The following TMEM98 variants were observed in gnomAD, a reference collection of about 807,000 sequenced individuals.
TMEM98 encodes transmembrane protein 98.
In TMEM98, 18 loss-of-function variants were observed where a neutral mutation model predicts 25.0. The ratio of observed to expected loss-of-function variants is 0.72; its 90% CI spans 0.50 to 1.07. The LOEUF (loss-of-function observed/expected upper bound fraction) is 1.07. Ranked by LOEUF, TMEM98 falls within the 50% of genes least tolerant of loss-of-function variation. The pLI is 0.00. For missense variants in TMEM98, 241 were observed against 289.0 expected, an observed-to-expected ratio of 0.83 and a Z score of 1.20; for synonymous variants, 103 against 112.4, an observed-to-expected ratio of 0.92 and a Z score of 0.53.
intron 6 of TMEM98, among the ~76,000 whole-genome samples, chr17:32,937,553 C>G (rs2091503222): frequency 6.6e-6 from 1 of 152,130 alleles, no homozygotes; most frequent in South Asian, 2.1e-4. Flanking sequence ...ACATCCCAGG[C>G]TCTGGGTGGG....
intron 6 of TMEM98, 89 bp downstream of exon 6, chr17:32,936,536 A>G (rs901168912): frequency 7.1e-6 from 8 of 1,126,790 alleles, no homozygotes; most frequent in South Asian, 2.8e-5. Flanking sequence ...GGGCTCTTCT[A>G]TAAAATGGTG....
Position 32,941,214 on chromosome 17 carries a change from G to T in TMEM98, c.*221G>T. 2 of 465,074 alleles carry T rather than the reference G, an allele frequency of 4.3e-6. 1 individual carries two copies. The highest frequency in any genetic ancestry group is 7.6e-6 in the Non-Finnish European group (2 of 261,488). The allele number at this position is 465,074 out of a possible 1,614,324, so 28.8% of individuals were successfully genotyped here. ...GTCTAATACTACAGTTAGGGGAGAT[G>T]CCATTCACTCTCTGCAAGAGGAGTA... On this transcript the variant is annotated 3_prime_UTR_variant, in exon 8 of 8. Coordinates refer to ENST00000579849, the MANE Select transcript of TMEM98 (RefSeq NM_015544.3).
intron 6 of TMEM98, 53 bp from the exon 7 acceptor site, chr17:32,939,424 G>GAAGA (rs1555555961): frequency 1.3e-6 from 2 of 1,515,460 alleles, no homozygotes; most frequent in Non-Finnish European, 1.8e-6. Flanking sequence ...AAAAAAAAAG[G>GAAGA]AGAAAAGGAG....
intron 3 of TMEM98, 34 bp from the exon 4 acceptor site, chr17:32,933,140 C>A: frequency 6.2e-7 from 1 of 1,612,492 alleles, no homozygotes; most frequent in South Asian, 1.1e-5. Flanking sequence ...GGTCACCCAC[C>A]ATGAAACCAT....
intron 1 of TMEM98, among the ~76,000 whole-genome samples, chr17:32,928,493 G>A (rs1246092228): frequency 6.6e-6 from 1 of 151,702 alleles, no homozygotes. Context: ...GGGTGGACGA[G>A]CACGGGGAAG....
At chr17:32,939,275 C>T (rs1267249223) in intron 6 of TMEM98, among the ~76,000 whole-genome samples, 8 of 152,040 alleles carry the variant, frequency 5.3e-5, no homozygotes, top group Non-Finnish European at 5.9e-5. Flanking sequence ...GGCATGGTGG[C>T]GCGTGCCTGT....
rs2091539555 is a variant in TMEM98, at chr17:32,943,235, G to A, written c.*2242G>A. 1 of 152,322 alleles carries A rather than the reference G, an allele frequency of 6.6e-6. No individual in the cohort carries two copies. Among genetic ancestry groups the A allele is most frequent in the Non-Finnish European group, 1.5e-5 (1 of 68,188 alleles). 9.4% of individuals were successfully genotyped at this position (152,322 alleles called of 1,614,324 possible). ...CTGTGTAGTTTTTTTTTCTAGTGCT[G>A]GACAAGTAAGAAGCCTCTGGATAAA... On this transcript the variant is annotated 3_prime_UTR_variant, in exon 8 of 8. Coordinates refer to ENST00000579849, the MANE Select transcript of TMEM98 (RefSeq NM_015544.3).
chr17:32,935,207 GTTA>G (rs2091489822), intron 5 of TMEM98, among the ~76,000 whole-genome samples: 1 of 152,204 alleles, frequency 6.6e-6, no homozygotes, highest in Non-Finnish European at 1.5e-5. Flanking sequence ...CTAGTAGGAA[GTTA>G]TTATCTCAGA....
At chr17:32,929,483 A>G (rs2091454476) in intron 1 of TMEM98, among the ~76,000 whole-genome samples, 1 of 152,156 alleles carries the variant, frequency 6.6e-6, no homozygotes, top group Non-Finnish European at 1.5e-5. Context: ...AGAGAAACAG[A>G]GATAAAGGCA....
In TMEM98 at chr17:32,931,947, A is replaced by G. The variant is rs192734600; in HGVS notation, c.131+288A>G. Reference sequence around the variant, plus strand: ...CCATCTGTCTCAAACTGGCCACCTCACTTAGCATTTGGATAAGCCAAATCA... The same window carrying G: ...CCATCTGTCTCAAACTGGCCACCTCGCTTAGCATTTGGATAAGCCAAATCA... On this transcript the variant is annotated intron_variant, in intron 3 of 7. Transcript: ENST00000579849. 3.0e-3 allele frequency among the ~76,000 whole-genome samples: 464 copies of G among 152,252 alleles called. 4 individuals carry two copies. The highest frequency in any genetic ancestry group is 4.2e-3 in the Non-Finnish European group (287 of 68,024).
At chr17:32,936,863 G>T (rs1181803683) in intron 6 of TMEM98, among the ~76,000 whole-genome samples, 1 of 152,220 alleles carries the variant, frequency 6.6e-6, no homozygotes, top group African/African-American at 2.4e-5. Context: ...CTAGCTTGGG[G>T]GACCCACTCT....
Position 32,943,358 on chromosome 17 carries a change from C to T in TMEM98, c.*2365C>T, listed in dbSNP as rs190546942. On this transcript the variant is annotated 3_prime_UTR_variant, in exon 8 of 8. Coordinates refer to ENST00000579849, the MANE Select transcript of TMEM98 (RefSeq NM_015544.3). Reference sequence around the variant, plus strand: ...CTTCGGGAGTTGGCTGAAGTTACTTCCTCCCTTGGAAGGGGCTGGTTAGTG... The same window carrying T: ...CTTCGGGAGTTGGCTGAAGTTACTTTCTCCCTTGGAAGGGGCTGGTTAGTG... 1 of 152,266 alleles carries T rather than the reference C, an allele frequency of 6.6e-6. No homozygotes were observed. The highest frequency in any genetic ancestry group is 1.5e-5 in the Non-Finnish European group (1 of 68,038). 9.4% of individuals were successfully genotyped at this position (152,266 alleles called of 1,614,324 possible). A position where few individuals can be genotyped will look rare whatever the true frequency, so the allele number is the denominator to read the frequency against.
intron 4 of TMEM98, 106 bp from the exon 5 acceptor site, chr17:32,934,185 A>G (rs1056915192): frequency 1.2e-5 from 15 of 1,263,628 alleles, no homozygotes; most frequent in Middle Eastern, 2.3e-4. Context: ...AGTGGTTGGT[A>G]TTGGGCTGTG....
In TMEM98 at chr17:32,931,462, A is replaced by C; in HGVS notation, c.-54-13A>C. 6.4e-7 allele frequency: 1 copy of C among 1,564,492 alleles called. No individual in the cohort carries two copies. The highest frequency in any genetic ancestry group is 2.3e-5 in the East Asian group (1 of 43,122). On this transcript the variant is annotated splice_polypyrimidine_tract_variant and intron_variant, in intron 2 of 7. Transcript: ENST00000579849. ...TCTTGACCAGATCTGCTCTGACTTCATGTTCTCTCAAGCTTTAGCCCATGA... is the reference window on the plus strand; with the variant it reads ...TCTTGACCAGATCTGCTCTGACTTCCTGTTCTCTCAAGCTTTAGCCCATGA...
Position 32,944,281 on chromosome 17 carries a change from A to C in TMEM98, c.*3288A>C, listed in dbSNP as rs936478604. On this transcript the variant is annotated 3_prime_UTR_variant, in exon 8 of 8. Transcript: ENST00000579849. ...CAGATGAAGAATTTCTATCCTCCTC[A>C]CCTCCTCCCTGTCTCCAATAAATGC... 7.9e-5 allele frequency: 12 copies of C among 151,916 alleles called. No individual in the cohort carries two copies. The highest frequency in any genetic ancestry group is 2.4e-4 in the African/African-American group (10 of 41,276). 9.4% of individuals were successfully genotyped at this position (151,916 alleles called of 1,614,324 possible).
rs1373210299 is a variant in TMEM98 at position 32,931,595 on chromosome 17, T to G, written c.67T>G (p.Leu23Val). The G allele has an allele frequency of 1.9e-6, 3 of 1,604,360 alleles. No homozygotes were observed. In the East Asian group the frequency reaches 6.7e-5, roughly 36 times the overall value. ...ATIFLASFAA[L>V]VLVCRQRYCR... ...CATCTTTCTGGCTTCGTTTGCAGCC[T>G]TGGTGCTGGTTTGCAGGCAGCGCTA... Residue 23 changes from leucine (L) to valine (V), a missense_variant, in exon 3 of 8, where the codon TTG becomes GTG. Physicochemically the swap from Leu to Val is conservative, Grantham distance 32. Coordinates refer to ENST00000579849, the MANE Select transcript of TMEM98 (RefSeq NM_015544.3).
chr17:32,936,104 ACCCTG>A (rs1454940501), intron 5 of TMEM98, among the ~76,000 whole-genome samples: 4 of 151,982 alleles, frequency 2.6e-5, no homozygotes, highest in Non-Finnish European at 4.4e-5. Context: ...CAGAGCCCAC[ACCCTG>A]CCCTTGATCT....
Position 32,940,727 on chromosome 17 carries a change from T to C in TMEM98, c.474-59T>C. On this transcript the variant is annotated intron_variant, in intron 7 of 7. Coordinates refer to ENST00000579849, the MANE Select transcript of TMEM98 (RefSeq NM_015544.3). The stretch of plus-strand genomic sequence containing the variant: ...AGTCAAAAAGTCTATCTATTTGGGC[T>C]TTTGTGCAAAGTCCCTCATTTCCTA... 7 of 1,536,002 alleles carry C rather than the reference T, an allele frequency of 4.6e-6. No homozygotes were observed. In the South Asian group the frequency reaches 6.1e-5, roughly 13 times the overall value.
chr17:32,931,219 C>G (rs113580604), intron 1 of TMEM98, 108 bp from the exon 2 acceptor site: 1 of 268,306 alleles, frequency 3.7e-6, no homozygotes, highest in African/African-American at 2.4e-5. Flanking sequence ...AACAAACAAA[C>G]ACAAACAAAC....
Sources: gnomAD v4.1 joint callset for allele counts (sites outside exome capture counted in the v4.1 genomes callset) on GRCh38, gnomAD v4.1.1 for gene constraint, MANE v1.5 for transcripts, NCBI Gene and HGNC (gene_info 2026-07-23, HGNC 2026-07-21) for gene names.